The following KCNAB2 variants were observed in gnomAD, a reference collection of about 807,000 sequenced individuals.
The protein encoded by KCNAB2 is voltage-gated potassium channel subunit beta-2.
KCNAB2 carries 29 observed loss-of-function variants against 63.6 expected under a neutral mutation model. The ratio of observed to expected loss-of-function variants is 0.46; its 90% CI spans 0.34 to 0.62. KCNAB2 has a LOEUF of 0.62. KCNAB2 is among the 20% of genes least tolerant of loss of function. The pLI is 0.01. For missense variants in KCNAB2, 359 were observed against 563.9 expected, an observed-to-expected ratio of 0.64 and a Z score of 3.68; for synonymous variants, 222 against 224.2, an observed-to-expected ratio of 0.99 and a Z score of 0.09.
upstream of KCNAB2, among the ~76,000 whole-genome samples, chr1:6,030,789 TGTGTAG>T (rs1659562598): frequency 7.1e-6 from 1 of 141,022 alleles, no homozygotes; most frequent in African/African-American, 3.0e-5. Context: ...TGTGTGTATG[TGTGTAG>T]GTGTGTAGGT....
intron 2 of KCNAB2, among the ~76,000 whole-genome samples, chr1:6,057,055 G>A (rs1182040532): frequency 2.6e-5 from 4 of 151,344 alleles, no homozygotes; most frequent in South Asian, 2.1e-4. Context: ...GTCGGAAGGC[G>A]CTGCGTGGTC....
intron 1 of KCNAB2, chr1:6,027,555 A>G (rs889132530): frequency 6.6e-6 from 1 of 152,234 alleles, no homozygotes; most frequent in African/African-American, 2.4e-5. Context: ...GCTGTGGTCT[A>G]TTTTTTGTTC....
chr1:6,033,251 ATG>A (rs748127124), upstream of KCNAB2, among the ~76,000 whole-genome samples: 10 of 137,572 alleles, frequency 7.3e-5, no homozygotes, highest in South Asian at 2.3e-4. Flanking sequence ...GTGTGCGTGT[ATG>A]TGTGTGTGTG....
chr1:6,061,203 G>C (rs1662286467), intron 2 of KCNAB2, among the ~76,000 whole-genome samples: 3 of 152,364 alleles, frequency 2.0e-5, no homozygotes, highest in Admixed American at 1.3e-4. Context: ...CACAGCAAGA[G>C]CTAGCTGCTT....
chr1:6,053,696 G>C (rs911488804), intron 2 of KCNAB2, among the ~76,000 whole-genome samples: 1 of 152,152 alleles, frequency 6.6e-6, no homozygotes, highest in Non-Finnish European at 1.5e-5. Flanking sequence ...GGAAACCTCA[G>C]CTCTCTCCTA....
At position 5,992,983 on chromosome 1, in the gene KCNAB2, C is replaced by T. The variant is rs551194385; in HGVS notation, c.-53+195C>T. Reference sequence around the variant, plus strand: ...GCCTCCTCACCTCCTTCTCCATCGTCTCCCTTCCCCCATCCCTTTCTGTCT... The same window carrying T: ...GCCTCCTCACCTCCTTCTCCATCGTTTCCCTTCCCCCATCCCTTTCTGTCT... On this transcript the variant is annotated intron_variant, in intron 1 of 16. Coordinates refer to the KCNAB2 transcript ENST00000341524. 1.1e-4 allele frequency among the ~76,000 whole-genome samples: 16 copies of T among 152,176 alleles called. 1 individual carries two copies. The South Asian group carries it at 2.7e-3, about 26-fold the overall frequency.
chr1:6,047,091 G>A (rs548957944), intron 1 of KCNAB2, among the ~76,000 whole-genome samples: 9 of 152,306 alleles, frequency 5.9e-5, no homozygotes, highest in East Asian at 1.9e-4. Flanking sequence ...GGAGGGGCTC[G>A]TTTTTCTTGG....
At chr1:6,002,958 T>C (rs2102547453) in intron 1 of KCNAB2, among the ~76,000 whole-genome samples, 1 of 152,292 alleles carries the variant, frequency 6.6e-6, no homozygotes, top group Non-Finnish European at 1.5e-5. Flanking sequence ...CATTTGTTCT[T>C]AGTCCTCAGC....
At chr1:6,058,632 C>A (rs112232567) in intron 2 of KCNAB2, among the ~76,000 whole-genome samples, 54 of 152,358 alleles carry the variant, frequency 3.5e-4, no homozygotes, top group African/African-American at 3.4e-4. Flanking sequence ...TGTCCAGGCA[C>A]CTGGACTGTC....
chr1:5,997,438 G>A (rs1657001706), intron 1 of KCNAB2, among the ~76,000 whole-genome samples: 1 of 152,106 alleles, frequency 6.6e-6, no homozygotes, highest in African/African-American at 2.4e-5. Context: ...CTGACCTTGG[G>A]CCTCGTGGAG....
intron 5 of KCNAB2, 54 bp from the exon 6 acceptor site, chr1:6,085,150 T>C: frequency 6.2e-7 from 1 of 1,600,514 alleles, no homozygotes. Flanking sequence ...ACAGTGGGTC[T>C]GGGTTTGATT....
chr1:6,055,837 T>G (rs1661777153), intron 2 of KCNAB2, among the ~76,000 whole-genome samples: 1 of 152,222 alleles, frequency 6.6e-6, no homozygotes, highest in South Asian at 2.1e-4. Context: ...AGATCCCAGA[T>G]AAATTTATTC....
chr1:6,079,536 C>A (rs1297847445), intron 4 of KCNAB2, among the ~76,000 whole-genome samples: 3 of 151,544 alleles, frequency 2.0e-5, no homozygotes, highest in African/African-American at 4.8e-5. Flanking sequence ...AAAAAAATAA[C>A]CCCAGTCTTG....
At chr1:6,030,482 C>T (rs1004105154), upstream of KCNAB2, among the ~76,000 whole-genome samples, 8 of 150,326 alleles carry the variant, frequency 5.3e-5, no homozygotes, top group African/African-American at 1.7e-4. Flanking sequence ...TGCATATGTA[C>T]GTGTGTCTGT....
intron 10 of KCNAB2, 31 bp from the exon 11 acceptor site, chr1:6,094,369 C>T: frequency 6.3e-7 from 1 of 1,575,430 alleles, no homozygotes; most frequent in Non-Finnish European, 8.7e-7. Flanking sequence ...TGGCTGCCCC[C>T]CACCTGCGGT....
chr1:6,098,964 G>C lies in KCNAB2; in HGVS notation c.*390G>C. On this transcript the variant is annotated 3_prime_UTR_variant, in exon 16 of 16. Coordinates refer to ENST00000378083, the MANE Select transcript of KCNAB2 (RefSeq NM_001199862.2). The stretch of plus-strand genomic sequence containing the variant: ...AGGCCTGGTTGGGTCCTTGGGGCGG[G>C]CAGGGCCAGCCTCTCCTCTGCTGAG... The C allele has an allele frequency of 5.5e-6, 1 of 182,358 alleles. No individual in the cohort carries two copies. The highest frequency in any genetic ancestry group is 1.1e-5 in the Non-Finnish European group (1 of 87,638). The allele number at this position is 182,358 out of a possible 1,614,324, so 11.3% of individuals were successfully genotyped here. A position where few individuals can be genotyped will look rare whatever the true frequency, so the allele number is the denominator to read the frequency against.
In KCNAB2 at chr1:6,051,535, C is replaced by T; in HGVS notation, c.-2C>T. On this transcript the variant is annotated 5_prime_UTR_variant, in exon 2 of 16. Transcript: ENST00000378083. ...GTGGCAGCTCCCAAGCCAGGCGGCA[C>T]CATGCTGTCCATGACGTACAGCGAG... 1 of 1,516,474 alleles carries T rather than the reference C, an allele frequency of 6.6e-7. No homozygotes were observed. The highest frequency in any genetic ancestry group is 8.8e-7 in the Non-Finnish European group (1 of 1,132,518). The allele number at this position is 1,516,474 out of a possible 1,614,324, so 93.9% of individuals were successfully genotyped here. A position where few individuals can be genotyped will look rare whatever the true frequency, so the allele number is the denominator to read the frequency against.
intron 1 of KCNAB2, chr1:6,007,749 A>T (rs1006126327): frequency 1.3e-5 from 2 of 152,300 alleles, no homozygotes; most frequent in African/African-American, 4.8e-5. Flanking sequence ...TGTGCGCGTC[A>T]CTGTTGCCCT....
At chr1:6,008,236 C>T (rs1021140661) in intron 1 of KCNAB2, among the ~76,000 whole-genome samples, 2 of 152,152 alleles carry the variant, frequency 1.3e-5, no homozygotes, top group South Asian at 2.1e-4. Flanking sequence ...AGAAAGGACC[C>T]GCCCCCCCAT....
Sources: gnomAD v4.1 joint callset for allele counts (sites outside exome capture counted in the v4.1 genomes callset) on GRCh38, gnomAD v4.1.1 for gene constraint, MANE v1.5 for transcripts, NCBI Gene and HGNC (gene_info 2026-07-23, HGNC 2026-07-21) for gene names.